Variants in RPL3 observed in about 807,000 individuals in gnomAD.
The protein encoded by RPL3 is large ribosomal subunit protein uL3.
In RPL3, 3 loss-of-function variants were observed where a neutral mutation model predicts 46.0. The observed-to-expected ratio is 0.07, with a 90% CI of 0.03 to 0.17. RPL3 has a LOEUF of 0.17. Ranked by LOEUF, RPL3 falls within the 10% of genes least tolerant of loss-of-function variation. The pLI, the probability that RPL3 is intolerant of heterozygous loss-of-function variation, is 1.00. For synonymous variants in RPL3, 224 were observed against 190.8 expected, an observed-to-expected ratio of 1.17 and a Z score of -1.43; for missense variants, 387 against 532.7, an observed-to-expected ratio of 0.73 and a Z score of 2.69.
chr22:39,317,822 T>C, intron 2 of RPL3, 193 bp from the exon 3 acceptor site: 2 of 599,762 alleles, frequency 3.3e-6, no homozygotes, highest in East Asian at 5.6e-5. Context: ...ACAAAAAATA[T>C]CAGGACCCTA....
chr22:39,314,529 A>G (rs1378168782), intron 6 of RPL3, 157 bp downstream of exon 6: 4 of 922,304 alleles, frequency 4.3e-6, no homozygotes, highest in Non-Finnish European at 6.4e-6. Flanking sequence ...CTTACAAATC[A>G]TCAAGATGGG....
rs17849574 is a variant in RPL3, at chr22:39,314,824, G to A, written c.711C>T (p.Thr237=). 3 of 1,613,670 alleles carry A rather than the reference G, an allele frequency of 1.9e-6. No individual in the cohort carries two copies. The highest frequency in any genetic ancestry group is 2.5e-6 in the Non-Finnish European group (3 of 1,179,918). The change falls in exon 6 of 10, where the codon ACC becomes ACT. Residue 237 remains threonine (T), a synonymous_variant. Coordinates refer to ENST00000216146, the MANE Select transcript of RPL3 (RefSeq NM_000967.4). ...GGTGGGTCTTGCGGGGCAGCTTCTT[G>A]GTGTGCCAACGACTGGTGACCCCTG... The part of the protein sequence containing the change: ...GYKGVTSRWH[T]KKLPRKTHRG...
At position 39,315,400 on chromosome 22, in the gene RPL3, G is replaced by T. The variant is rs1922621135; in HGVS notation, c.657C>A (p.Val219=). 2 of 1,613,878 alleles carry T rather than the reference G, an allele frequency of 1.2e-6. No homozygotes were observed. The highest frequency in any genetic ancestry group is 3.3e-5 in the Admixed American group (2 of 59,998). The change falls in exon 5 of 10, where the codon GTC becomes GTA. Residue 219 remains valine (V), a synonymous_variant. Coordinates refer to ENST00000216146, the MANE Select transcript of RPL3 (RefSeq NM_000967.4). The part of the protein sequence containing the change: ...QVFGQDEMID[V]IGVTKGKGYK... ...AGCCTTTGCCCTTGGTCACCCCGAT[G>T]ACGTCGATCATCTCATCCTGCCCAA...
At chr22:39,319,089 C>A (rs777486888) in intron 1 of RPL3, 32 of 537,748 alleles carry the variant, frequency 6.0e-5, no homozygotes, top group Non-Finnish European at 7.6e-6. Context: ...TTTCTGTCCG[C>A]CCGTCAATAA....
intron 5 of RPL3, chr22:39,315,085 G>A: frequency 1.4e-6 from 1 of 706,408 alleles, no homozygotes; most frequent in East Asian, 2.6e-5. Flanking sequence ...CCATTCACAG[G>A]GACTGACTAA....
chr22:39,319,464 G>A (rs572375061), intron 1 of RPL3, 131 bp downstream of exon 1: 9 of 1,261,012 alleles, frequency 7.1e-6, no homozygotes, highest in South Asian at 1.3e-5. Flanking sequence ...CCAGACTGAA[G>A]TCCCCGCTGG....
At chr22:39,313,146 C>T in intron 9 of RPL3, 45 bp downstream of exon 9, 1 of 1,600,980 alleles carries the variant, frequency 6.2e-7, no homozygotes, top group Non-Finnish European at 8.5e-7. Flanking sequence ...CAGGCGGCTG[C>T]CCAAGCCACC....
At chr22:39,319,273 G>T in intron 1 of RPL3, 1 of 515,186 alleles carries the variant, frequency 1.9e-6, no homozygotes, top group Non-Finnish European at 3.6e-6. Flanking sequence ...CAGGTTATGG[G>T]CCCTAATCCC....
intron 4 of RPL3, among the ~76,000 whole-genome samples, chr22:39,316,470 G>A (rs1000428722): frequency 5.3e-5 from 8 of 152,192 alleles, no homozygotes; most frequent in Non-Finnish European, 1.0e-4. Context: ...TAGGTTTCCA[G>A]GAGAGCAGCC....
chr22:39,318,473 G>A lies in RPL3; in HGVS notation c.123C>T (p.Val41=), dbSNP rs1601631992. ...TGTATCCCAGGAAGGCTGTGAGGTG[G>A]ACCGGCTTGGACGGGTCATCCTTAG... is the stretch of plus-strand genomic sequence containing the variant. ...SFPKDDPSKP[V]HLTAFLGYKA... is the part of the protein sequence containing the mutation. Residue 41 remains valine, a synonymous_variant, in exon 2 of 10, where the codon GTC becomes GTT. Transcript: ENST00000216146. 6.8e-6 allele frequency: 11 copies of A among 1,614,016 alleles called. No individual in the cohort carries two copies. Among genetic ancestry groups the A allele is most frequent in the East Asian group, 6.7e-5 (3 of 44,874 alleles).
chr22:39,319,230 AACC>A, intron 1 of RPL3: 1 of 519,064 alleles, frequency 1.9e-6, no homozygotes, highest in Non-Finnish European at 3.7e-6. Context: ...CGGCGCCGAG[AACC>A]TCCACCCAAG....
At chr22:39,317,283 G>A (rs974477787) in intron 3 of RPL3, 178 bp downstream of exon 3, 28 of 727,508 alleles carry the variant, frequency 3.8e-5, no homozygotes, top group East Asian at 1.7e-4. Context: ...GTTAGCTTCC[G>A]GCTGAAACCA....
chr22:39,317,380 C>G, intron 3 of RPL3, 81 bp downstream of exon 3: 1 of 1,498,176 alleles, frequency 6.7e-7, no homozygotes. Flanking sequence ...TGCTACAGAG[C>G]TGAGAAACCA....
intron 6 of RPL3, chr22:39,314,482 C>G (rs1333637574): frequency 1.6e-5 from 10 of 644,372 alleles, no homozygotes; most frequent in African/African-American, 3.7e-5. Flanking sequence ...CCAGCCACAC[C>G]AGTCAGCCCC....
intron 5 of RPL3, 170 bp downstream of exon 5, chr22:39,315,199 C>T: frequency 1.9e-6 from 2 of 1,042,970 alleles, no homozygotes; most frequent in Non-Finnish European, 3.0e-6. Context: ...ATCCCAGCCA[C>T]TTCTGACCAC....
chr22:39,314,177 T>G lies in RPL3; in HGVS notation c.881A>C (p.Lys294Thr), dbSNP rs752844997. Residue 294 changes from lysine to threonine, a missense_variant, in exon 7 of 10, where the codon AAG (lysine) becomes ACG (threonine). Coordinates refer to ENST00000216146, the MANE Select transcript of RPL3 (RefSeq NM_000967.4). ...ATTGTTCTTGATCAGCTTGCCGTCC[T>G]TGATAAGGTAGCCCTGGCCAATCTT... ...IYKIGQGYLI[K>T]DGKLIKNNAS... is the part of the protein sequence containing the mutation. The G allele has an allele frequency of 5.0e-6, 8 of 1,613,894 alleles. No homozygotes were observed. The highest frequency in any genetic ancestry group is 6.8e-6 in the Non-Finnish European group (8 of 1,180,010).
intron 6 of RPL3, chr22:39,314,437 G>T (rs1922552050): frequency 3.2e-6 from 2 of 625,550 alleles, no homozygotes; most frequent in South Asian, 3.9e-5. Flanking sequence ...TCACCCCCCT[G>T]GTGGTGGCAT....
intron 2 of RPL3, 145 bp from the exon 3 acceptor site, chr22:39,317,774 T>G: frequency 1.2e-6 from 1 of 801,456 alleles, no homozygotes; most frequent in Non-Finnish European, 2.0e-6. Context: ...CTGTCCTTAC[T>G]GCCTATCTCT....
chr22:39,313,007 C>A, intron 9 of RPL3, 23 bp from the exon 10 acceptor site: 1 of 1,614,016 alleles, frequency 6.2e-7, no homozygotes, highest in African/African-American at 1.3e-5. Flanking sequence ...AGGCAGTGGT[C>A]AGAGGTAGAA....
Sources: gnomAD v4.1 joint callset for allele counts (sites outside exome capture counted in the v4.1 genomes callset) on GRCh38, gnomAD v4.1.1 for gene constraint, MANE v1.5 for transcripts, NCBI Gene and HGNC (gene_info 2026-07-23, HGNC 2026-07-21) for gene names.